Variants in ZNF407 observed in about 807,000 individuals in gnomAD.
ZNF407 encodes zinc finger protein 407.
A neutral mutation model predicts 131.2 loss-of-function variants in ZNF407; 17 were observed. The observed-to-expected ratio is 0.13, with a 90% CI of 0.09 to 0.19. The LOEUF (loss-of-function observed/expected upper bound fraction) is 0.19, where lower values mean the gene tolerates loss of function less well. Among genes scored for constraint, ZNF407 ranks in the 10% least tolerant of loss-of-function variants. The pLI, the probability that ZNF407 is intolerant of heterozygous loss-of-function variation, is 1.00. For missense variants in ZNF407, 2,681 were observed against 2,830.6 expected (o/e 0.95, Z 1.20); for synonymous variants, 1,156 against 1,062.0 (o/e 1.09, Z -1.72).
chr18:74,964,076 G>A (rs1163026551), intron 8 of ZNF407, among the ~76,000 whole-genome samples: 6 of 152,172 alleles, frequency 3.9e-5, no homozygotes, highest in South Asian at 2.1e-4. Context: ...TCTATTGACC[G>A]CGCCTATCAC....
At chr18:74,972,392 C>G (rs1972482961) in intron 8 of ZNF407, among the ~76,000 whole-genome samples, 2 of 152,198 alleles carry the variant, frequency 1.3e-5, no homozygotes, top group African/African-American at 4.8e-5. Context: ...TCCCTTTCCC[C>G]TCTCACCTTA....
chr18:74,690,259 A>G (rs1967188381), intron 3 of ZNF407, among the ~76,000 whole-genome samples: 1 of 152,256 alleles, frequency 6.6e-6, no homozygotes, highest in South Asian at 2.1e-4. Context: ...CTATGGAAGA[A>G]TAATTCCTTT....
chr18:74,909,649 A>T (rs1014135112), intron 7 of ZNF407, among the ~76,000 whole-genome samples: 7 of 152,128 alleles, frequency 4.6e-5, no homozygotes, highest in African/African-American at 1.7e-4. Flanking sequence ...CTGAACACGG[A>T]TCTCCTCACA....
intron 4 of ZNF407, among the ~76,000 whole-genome samples, chr18:74,825,447 C>A (rs1471726705): frequency 6.6e-6 from 1 of 152,200 alleles, no homozygotes; most frequent in East Asian, 1.9e-4. Context: ...AAAACCCCAG[C>A]ATCTCAGCCC....
At chr18:74,833,443 C>T (rs190193367) in intron 4 of ZNF407, among the ~76,000 whole-genome samples, 3 of 152,280 alleles carry the variant, frequency 2.0e-5, no homozygotes, top group East Asian at 1.9e-4. Flanking sequence ...TTGTCAAGAA[C>T]GACCTCAGTG....
At chr18:74,687,001 G>A (rs765521622) in intron 3 of ZNF407, among the ~76,000 whole-genome samples, 6 of 152,234 alleles carry the variant, frequency 3.9e-5, no homozygotes, top group Middle Eastern at 3.4e-3. Context: ...CCAAAATGCT[G>A]GTTCTCATGG....
intron 8 of ZNF407, among the ~76,000 whole-genome samples, chr18:75,002,595 G>A (rs184619227): frequency 2.9e-4 from 44 of 152,218 alleles, no homozygotes; most frequent in African/African-American, 1.0e-3. Flanking sequence ...GAGGTCAGGA[G>A]ATCGAGACCA....
chr18:75,045,536 G>T (rs907740726), intron 8 of ZNF407, among the ~76,000 whole-genome samples: 1 of 152,160 alleles, frequency 6.6e-6, no homozygotes, highest in Non-Finnish European at 1.5e-5. Context: ...GCCCATCTGT[G>T]CCAGCCTTAT....
At chr18:74,973,093 T>C (rs1972490316) in intron 8 of ZNF407, among the ~76,000 whole-genome samples, 1 of 151,472 alleles carries the variant, frequency 6.6e-6, no homozygotes, top group African/African-American at 2.5e-5. Context: ...TGAGTATATC[T>C]CTTCTTAAAA....
At chr18:74,641,202 A>T (rs756473975) in intron 3 of ZNF407, 80 bp downstream of exon 3, 137 of 1,165,256 alleles carry the variant, frequency 1.2e-4, no homozygotes, top group Middle Eastern at 3.9e-4. Context: ...TTCAAAACCG[A>T]TAGGAGTAAG....
chr18:75,019,905 A>G (rs975040910), intron 8 of ZNF407, among the ~76,000 whole-genome samples: 2 of 152,148 alleles, frequency 1.3e-5, no homozygotes, highest in Non-Finnish European at 2.9e-5. Context: ...TCACAAGAAC[A>G]GCAAGGGGGA....
At chr18:74,957,587 A>G (rs1449117988) in intron 8 of ZNF407, among the ~76,000 whole-genome samples, 1 of 152,160 alleles carries the variant, frequency 6.6e-6, no homozygotes, top group Non-Finnish European at 1.5e-5. Flanking sequence ...TTTATGTAGT[A>G]AGTATCTAAT....
chr18:74,633,580 A>G lies in ZNF407; in HGVS notation c.2561A>G (p.His854Arg), dbSNP rs1362193227. ...PKGNISRTCSHCGLLASSITN... is the reference protein window; with the variant it reads ...PKGNISRTCSRCGLLASSITN... ...GGTAACATCTCACGGACGTGTTCAC[A>G]CTGTGGCCTTTTGGCCTCTAGTATT... is the stretch of plus-strand genomic sequence containing the variant. The change falls in exon 2 of 9, where the codon CAC (histidine) becomes CGC (arginine). Residue 854 changes from histidine to arginine, a missense_variant. This residue lies in a region of ZNF407 where 1,789 missense variants were observed against 1,748.7 expected (regional missense o/e 1.02). Coordinates refer to ENST00000299687, the MANE Select transcript of ZNF407 (RefSeq NM_017757.3). 1 of 1,614,064 alleles carries G rather than the reference A, an allele frequency of 6.2e-7. No homozygotes were observed. The highest frequency in any genetic ancestry group is 1.3e-5 in the African/African-American group (1 of 75,070).
chr18:75,006,622 A>G (rs557846661), intron 8 of ZNF407, among the ~76,000 whole-genome samples: 1 of 151,796 alleles, frequency 6.6e-6, no homozygotes, highest in African/African-American at 2.4e-5. Context: ...ACAGAAGGCA[A>G]CTCTATGAGC....
At chr18:74,859,488 A>G (rs1378789419) in intron 4 of ZNF407, among the ~76,000 whole-genome samples, 1 of 152,216 alleles carries the variant, frequency 6.6e-6, no homozygotes, top group African/African-American at 2.4e-5. Flanking sequence ...TATGTGTGTA[A>G]TGTTCAGACC....
intron 4 of ZNF407, among the ~76,000 whole-genome samples, chr18:74,786,810 T>TGGA (rs1969725858): frequency 7.3e-6 from 1 of 137,598 alleles, no homozygotes; most frequent in African/African-American, 2.7e-5. Flanking sequence ...TTTTTTTTTT[T>TGGA]TTTTTTTTTT....
At chr18:75,037,438 T>C (rs62089935) in intron 8 of ZNF407, among the ~76,000 whole-genome samples, 2 of 151,718 alleles carry the variant, frequency 1.3e-5, no homozygotes, top group Non-Finnish European at 2.9e-5. Context: ...AAAAAAACTT[T>C]GTAACCGCAA....
chr18:74,613,198 A>G (rs1279556656), intron 1 of ZNF407, among the ~76,000 whole-genome samples: 2 of 152,208 alleles, frequency 1.3e-5, no homozygotes, highest in East Asian at 3.8e-4. Context: ...TCTTGCTAAA[A>G]AGCAGGGGCA....
In ZNF407 at chr18:74,647,574, C is replaced by T. The variant is rs545418636; in HGVS notation, c.4802+6452C>T. Among the ~76,000 whole-genome samples, 62 of 152,268 alleles carry T rather than the reference C, an allele frequency of 4.1e-4. 1 individual carries two copies. The highest frequency in any genetic ancestry group is 2.9e-3 in the South Asian group (14 of 4,826). Reference sequence around the variant, plus strand: ...CGTATTTTTTTTTCTTGTTAACCTTCCTCTCCCTGTTCTGTTTCTTACAGT... The same window carrying T: ...CGTATTTTTTTTTCTTGTTAACCTTTCTCTCCCTGTTCTGTTTCTTACAGT... On this transcript the variant is annotated intron_variant, in intron 3 of 8. Coordinates refer to ENST00000299687, the MANE Select transcript of ZNF407 (RefSeq NM_017757.3).
Sources: gnomAD v4.1 joint callset for allele counts (sites outside exome capture counted in the v4.1 genomes callset) on GRCh38, gnomAD v4.1.1 for gene constraint, gnomAD v4.1.1 regional missense constraint, MANE v1.5 for transcripts, NCBI Gene and HGNC (gene_info 2026-07-23, HGNC 2026-07-21) for gene names.